Variants in CNTN4 observed in about 807,000 individuals in gnomAD.
CNTN4 encodes contactin-4.
A neutral mutation model predicts 122.5 loss-of-function variants in CNTN4; 77 were observed. The ratio of observed to expected loss-of-function variants is 0.63; its 90% CI spans 0.52 to 0.76. The LOEUF is 0.76. CNTN4 is among the 30% of genes least tolerant of loss of function. The pLI, the probability that CNTN4 is intolerant of heterozygous loss-of-function variation, is 0.00. For synonymous variants in CNTN4, 512 were observed against 447.0 expected, an observed-to-expected ratio of 1.15 and a Z score of -1.83; for missense variants, 1,256 against 1,259.1, an observed-to-expected ratio of 1.00 and a Z score of 0.04.
chr3:2,647,329 C>T (rs946976443), intron 4 of CNTN4, among the ~76,000 whole-genome samples: 5 of 151,870 alleles, frequency 3.3e-5, no homozygotes, highest in Admixed American at 6.6e-5. Context: ...TGCAGTGAGC[C>T]GAGATTACAC....
Position 2,324,788 on chromosome 3 carries a change from T to C in CNTN4, c.-144-14390T>C, listed in dbSNP as rs146180586. ...ACTTCTCCAGGGGGCTGGACAAGCCTGGCTCATCTAATTTCTACCCTCCCC... is the reference window on the plus strand; with the variant it reads ...ACTTCTCCAGGGGGCTGGACAAGCCCGGCTCATCTAATTTCTACCCTCCCC... On this transcript the variant is annotated intron_variant, in intron 2 of 24. Coordinates refer to ENST00000418658, the MANE Select transcript of CNTN4 (RefSeq NM_175607.3). 1.7e-3 allele frequency among the ~76,000 whole-genome samples: 263 copies of C among 151,926 alleles called. 1 individual carries two copies. The highest frequency in any genetic ancestry group is 5.9e-3 in the African/African-American group (243 of 41,534).
intron 3 of CNTN4, among the ~76,000 whole-genome samples, chr3:2,562,649 T>A (rs1238500556): frequency 6.6e-6 from 1 of 152,160 alleles, no homozygotes; most frequent in Non-Finnish European, 1.5e-5. Flanking sequence ...AGGTTGATTC[T>A]ATGACCATGA....
intron 3 of CNTN4, among the ~76,000 whole-genome samples, chr3:2,367,472 G>C (rs966387915): frequency 1.3e-5 from 2 of 152,168 alleles, no homozygotes; most frequent in African/African-American, 2.4e-5. Flanking sequence ...AGTGAAGTTA[G>C]AATATCTTTC....
intron 8 of CNTN4, among the ~76,000 whole-genome samples, chr3:2,874,986 G>A (rs559380627): frequency 1.3e-5 from 2 of 151,992 alleles, no homozygotes; most frequent in East Asian, 3.9e-4. Flanking sequence ...GTTTGTTTTT[G>A]TTTGTTTGTT....
intron 4 of CNTN4, among the ~76,000 whole-genome samples, chr3:2,604,081 A>G (rs150474990): frequency 9.7e-4 from 147 of 152,276 alleles, no homozygotes; most frequent in Non-Finnish European, 1.6e-3. Flanking sequence ...TGGAAGTGAG[A>G]TGTAATTTCT....
chr3:2,996,001 T>A (rs1187171473), intron 14 of CNTN4, among the ~76,000 whole-genome samples: 1 of 152,214 alleles, frequency 6.6e-6, no homozygotes, highest in Non-Finnish European at 1.5e-5. Flanking sequence ...TATCATTTTA[T>A]TTAATATATT....
At chr3:2,707,587 C>T (rs2086818179) in intron 4 of CNTN4, among the ~76,000 whole-genome samples, 1 of 152,010 alleles carries the variant, frequency 6.6e-6, no homozygotes, top group Non-Finnish European at 1.5e-5. Context: ...GAGAAGTTAG[C>T]AGTTTTTGTT....
intron 4 of CNTN4, among the ~76,000 whole-genome samples, chr3:2,654,196 T>TG (rs1347580140): frequency 6.6e-6 from 1 of 152,204 alleles, no homozygotes; most frequent in African/African-American, 2.4e-5. Flanking sequence ...GGTCTGGAAA[T>TG]ACCATTGAAA....
rs201378788 is a variant in CNTN4, at chr3:2,576,657, A to G, written c.55+5099A>G. ...CCATCTCCCAGGTTCAAGCGATTCT[A>G]CTGCCTCAGTCTCCTGAGGATCTGG... On this transcript the variant is annotated intron_variant, in intron 4 of 24. Transcript: ENST00000418658. 2.0e-5 allele frequency among the ~76,000 whole-genome samples: 3 copies of G among 150,536 alleles called. No individual in the cohort carries two copies. In the East Asian group the frequency reaches 5.9e-4, roughly 30 times the overall value.
At chr3:2,136,973 G>A (rs1240055941) in intron 2 of CNTN4, among the ~76,000 whole-genome samples, 1 of 152,002 alleles carries the variant, frequency 6.6e-6, no homozygotes, top group East Asian at 1.9e-4. Flanking sequence ...TCCCCCCGAA[G>A]AAAACAACCC....
In CNTN4 at chr3:2,296,976, G is replaced by C. The variant is rs189950049; in HGVS notation, c.-144-42202G>C. 5.8e-4 allele frequency among the ~76,000 whole-genome samples: 89 copies of C among 152,204 alleles called. No homozygotes were observed. In the Middle Eastern group the frequency reaches 0.01, roughly 17 times the overall value. ...AACTAGGTGACATTAAAGAAGTCTG[G>C]ATAGAGGAATGGAAACAATTTCAAA... On this transcript the variant is annotated intron_variant, in intron 2 of 24. Coordinates refer to ENST00000418658, the MANE Select transcript of CNTN4 (RefSeq NM_175607.3).
intron 2 of CNTN4, among the ~76,000 whole-genome samples, chr3:2,111,327 C>A (rs528076966): frequency 7.9e-4 from 120 of 152,258 alleles, no homozygotes; most frequent in Non-Finnish European, 1.1e-3. Flanking sequence ...GAAATTAATA[C>A]TTTTCTTTTA....
chr3:2,672,660 A>G (rs1004302005), intron 4 of CNTN4, among the ~76,000 whole-genome samples: 2 of 152,314 alleles, frequency 1.3e-5, no homozygotes, highest in Non-Finnish European at 2.9e-5. Flanking sequence ...CCTCAGTTGG[A>G]AATGCAGAAA....
intron 2 of CNTN4, among the ~76,000 whole-genome samples, chr3:2,269,634 G>A (rs9821046): frequency 0.024 from 3,661 of 152,092 alleles, 145 homozygotes; most frequent in African/African-American, 0.084. Context: ...ATGAGGTCCC[G>A]CAAAGAATTA....
intron 2 of CNTN4, among the ~76,000 whole-genome samples, chr3:2,231,267 A>C (rs1468575260): frequency 6.6e-6 from 1 of 152,166 alleles, no homozygotes; most frequent in African/African-American, 2.4e-5. Context: ...GGTGGTTACC[A>C]AGTAGGACAG....
chr3:3,003,503 T>A (rs1696248464), intron 14 of CNTN4, among the ~76,000 whole-genome samples: 3 of 152,030 alleles, frequency 2.0e-5, no homozygotes, highest in African/African-American at 7.2e-5. Context: ...AAAGGCCACA[T>A]ACTATATGAT....
chr3:2,966,857 A>T (rs946130657), intron 13 of CNTN4, among the ~76,000 whole-genome samples: 1 of 152,318 alleles, frequency 6.6e-6, no homozygotes, highest in South Asian at 2.1e-4. Flanking sequence ...CAGCCAAATT[A>T]TATTTCCTTT....
intron 2 of CNTN4, among the ~76,000 whole-genome samples, chr3:2,241,477 T>G (rs2039938546): frequency 6.6e-6 from 1 of 152,190 alleles, no homozygotes; most frequent in Non-Finnish European, 1.5e-5. Flanking sequence ...CTTTGCTCAT[T>G]CAATTCTCTT....
chr3:2,535,183 T>C (rs1249977028), intron 3 of CNTN4, among the ~76,000 whole-genome samples: 2 of 152,168 alleles, frequency 1.3e-5, no homozygotes, highest in Non-Finnish European at 2.9e-5. Flanking sequence ...TTCAACCTTG[T>C]ACTTCAACAA....
Sources: gnomAD v4.1 joint callset for allele counts (sites outside exome capture counted in the v4.1 genomes callset) on GRCh38, gnomAD v4.1.1 for gene constraint, MANE v1.5 for transcripts, NCBI Gene and HGNC (gene_info 2026-07-23, HGNC 2026-07-21) for gene names.